The following XRRA1 variants were observed in gnomAD, a reference collection of about 807,000 sequenced individuals.
XRRA1 encodes X-ray radiation resistance associated 1.
Under a neutral mutation model 80.2 loss-of-function variants are expected in XRRA1, and 69 were observed. The observed-to-expected ratio is 0.86, with a 90% CI of 0.71 to 1.05. The LOEUF (loss-of-function observed/expected upper bound fraction) is 1.05, where lower values mean the gene tolerates loss of function less well. XRRA1 is among the 50% of genes least tolerant of loss of function. The pLI is 0.00. For synonymous variants in XRRA1, 348 were observed against 389.9 expected (o/e 0.89, Z 1.27); for missense variants, 967 against 976.4 (o/e 0.99, Z 0.13).
At chr11:74,903,754 A>T (rs2054025905) in intron 10 of XRRA1, among the ~76,000 whole-genome samples, 1 of 152,208 alleles carries the variant, frequency 6.6e-6, no homozygotes, top group South Asian at 2.1e-4. Flanking sequence ...GCAAGAAGGA[A>T]AGGTCTTAAA....
rs1049109738 is a variant in XRRA1 at position 74,842,991 on chromosome 11, T to A, written c.*209A>T. 22 of 631,078 alleles carry A rather than the reference T, an allele frequency of 3.5e-5. No individual in the cohort carries two copies. Among genetic ancestry groups the A allele is most frequent in the Middle Eastern group, 4.3e-4 (1 of 2,342 alleles). 39.1% of individuals were successfully genotyped at this position (631,078 alleles called of 1,614,324 possible). Reference sequence around the variant, plus strand: ...TATTGCCCTGTGCACCCACTCTTTATTGCCGCTGGGCCAGGCACCAGGTCA... The same window carrying A: ...TATTGCCCTGTGCACCCACTCTTTAATGCCGCTGGGCCAGGCACCAGGTCA... On this transcript the variant is annotated 3_prime_UTR_variant, in exon 19 of 19. Transcript: ENST00000684022.
chr11:74,878,223 G>T (rs1218706492), intron 10 of XRRA1, among the ~76,000 whole-genome samples: 1 of 151,600 alleles, frequency 6.6e-6, no homozygotes, highest in African/African-American at 2.4e-5. Context: ...GTGATGATGA[G>T]CATTTTTTCA....
chr11:74,881,691 A>T (rs1473516635), intron 10 of XRRA1, among the ~76,000 whole-genome samples: 5 of 151,464 alleles, frequency 3.3e-5, no homozygotes, highest in African/African-American at 1.2e-4. Flanking sequence ...GAGCTCTTGT[A>T]AGGCAGGCCT....
chr11:74,855,355 G>A (rs673731), intron 12 of XRRA1, among the ~76,000 whole-genome samples: 55,443 of 152,080 alleles, frequency 0.36, 13,016 homozygotes, highest in African/African-American at 0.67. Context: ...ACATTCACCC[G>A]AACCAGGTGA....
chr11:74,878,381 A>T (rs1355245882), intron 10 of XRRA1, among the ~76,000 whole-genome samples: 2 of 151,714 alleles, frequency 1.3e-5, no homozygotes, highest in Admixed American at 6.6e-5. Flanking sequence ...TCAGAGGAGT[A>T]GGTTGTGAAA....
In XRRA1 at chr11:74,851,986, T is replaced by C; in HGVS notation, c.1264+3A>G. On this transcript the variant is annotated splice_donor_region_variant and intron_variant, in intron 13 of 18. Transcript: ENST00000684022. ...AGAGGGGGCAGGTTTGCGGGCACTA[T>C]ACCTCGTGTATGGGCCACCAGAGGG... is the stretch of plus-strand genomic sequence containing the variant. 1 of 1,613,318 alleles carries C rather than the reference T, an allele frequency of 6.2e-7. No individual in the cohort carries two copies. Among genetic ancestry groups the C allele is most frequent in the Non-Finnish European group, 8.5e-7 (1 of 1,179,292 alleles).
At chr11:74,906,518 A>G in intron 9 of XRRA1, 62 bp from the exon 10 acceptor site, 2 of 1,552,306 alleles carry the variant, frequency 1.3e-6, no homozygotes, top group East Asian at 2.3e-5. Flanking sequence ...ATTGTTTACC[A>G]AGCAACTTTA....
chr11:74,949,060 G>C lies in XRRA1; in HGVS notation c.-205C>G. The C allele has an allele frequency of 2.3e-6, 1 of 442,984 alleles. No homozygotes were observed. The highest frequency in any genetic ancestry group is 4.1e-6 in the Non-Finnish European group (1 of 245,956). The allele number at this position is 442,984 out of a possible 1,614,324, so 27.4% of individuals were successfully genotyped here. Reference sequence around the variant, plus strand: ...CGGTGCCTGCCGCTATCTTCCCCACGCCTTAGTAACTGCGACGCGACGGCA... The same window carrying C: ...CGGTGCCTGCCGCTATCTTCCCCACCCCTTAGTAACTGCGACGCGACGGCA... On this transcript the variant is annotated 5_prime_UTR_variant, in exon 1 of 19. Transcript: ENST00000684022.
intron 10 of XRRA1, among the ~76,000 whole-genome samples, chr11:74,886,392 T>C (rs1375034266): frequency 6.6e-6 from 1 of 151,934 alleles, no homozygotes; most frequent in African/African-American, 2.4e-5. Context: ...ATGTACAAAA[T>C]TCAATAGCAT....
At chr11:74,851,007 C>G in intron 14 of XRRA1, 81 bp downstream of exon 14, 1 of 1,048,958 alleles carries the variant, frequency 9.5e-7, no homozygotes, top group Non-Finnish European at 1.4e-6. Context: ...GAGTGAGCAG[C>G]TCTACAGCCA....
At chr11:74,899,531 C>A (rs932905399) in intron 10 of XRRA1, among the ~76,000 whole-genome samples, 2 of 151,702 alleles carry the variant, frequency 1.3e-5, no homozygotes, top group Non-Finnish European at 2.9e-5. Context: ...AAGAAAAAAA[C>A]AGAAGACCCA....
chr11:74,854,747 C>T (rs1440028166), intron 12 of XRRA1, among the ~76,000 whole-genome samples: 1 of 152,054 alleles, frequency 6.6e-6, no homozygotes, highest in Non-Finnish European at 1.5e-5. Flanking sequence ...TGGCTGGGCG[C>T]GGTGGCTCAG....
intron 15 of XRRA1, 88 bp from the exon 16 acceptor site, chr11:74,845,359 C>G (rs1004594467): frequency 2.9e-6 from 4 of 1,387,496 alleles, no homozygotes; most frequent in Admixed American, 4.3e-5. Flanking sequence ...GTGCTGGTCT[C>G]TGCTGGGCCC....
chr11:74,893,873 G>C (rs662035), intron 10 of XRRA1, among the ~76,000 whole-genome samples: 145,434 of 152,340 alleles, frequency 0.95, 69,499 homozygotes, highest in African/African-American at 0.99. Context: ...AATTACTATT[G>C]GATCCAGCAA....
Position 74,879,072 on chromosome 11 carries a change from G to A in XRRA1, c.1004-16051C>T, listed in dbSNP as rs1341609492. On this transcript the variant is annotated intron_variant, in intron 10 of 18. Coordinates refer to ENST00000684022, the MANE Select transcript of XRRA1 (RefSeq NM_001378157.1). ...CCTTGGGCAGTATGGCCATTTTCACGATATTGATTCTTCCTACCCATGAGC... is the reference window on the plus strand; with the variant it reads ...CCTTGGGCAGTATGGCCATTTTCACAATATTGATTCTTCCTACCCATGAGC... Among the ~76,000 whole-genome samples, 16 of 144,744 alleles carry A rather than the reference G, an allele frequency of 1.1e-4. No individual in the cohort carries two copies. In the East Asian group the frequency reaches 1.2e-3, roughly 11 times the overall value. 95.0% of individuals were successfully genotyped at this position (144,744 alleles called of 152,430 possible).
At chr11:74,944,133 T>C (rs1946996818) in intron 2 of XRRA1, among the ~76,000 whole-genome samples, 1 of 152,180 alleles carries the variant, frequency 6.6e-6, no homozygotes, top group Non-Finnish European at 1.5e-5. Flanking sequence ...GTGAAGTCTT[T>C]CATCAGTATT....
chr11:74,865,631 A>T (rs1030576098), intron 10 of XRRA1, among the ~76,000 whole-genome samples: 7 of 152,200 alleles, frequency 4.6e-5, no homozygotes, highest in Non-Finnish European at 7.3e-5. Context: ...CTGCTAGGTG[A>T]CATACACCTG....
intron 10 of XRRA1, among the ~76,000 whole-genome samples, chr11:74,868,930 T>A (rs1051910177): frequency 2.6e-5 from 4 of 151,952 alleles, no homozygotes; most frequent in African/African-American, 9.7e-5. Flanking sequence ...AATAATAATA[T>A]TAGATCATTG....
intron 15 of XRRA1, among the ~76,000 whole-genome samples, chr11:74,847,618 A>G (rs1226052642): frequency 6.6e-6 from 1 of 152,146 alleles, no homozygotes; most frequent in Non-Finnish European, 1.5e-5. Context: ...GGGCTGGGGC[A>G]GAGGCATCTC....
Sources: allele counts gnomAD v4.1 joint callset (sites outside exome capture counted in the v4.1 genomes callset), GRCh38; gene constraint gnomAD v4.1.1; transcripts MANE v1.5; gene names NCBI Gene and HGNC (gene_info 2026-07-23, HGNC 2026-07-21).